The following MYO1E variants were observed in gnomAD, a reference collection of about 807,000 sequenced individuals.
The protein encoded by MYO1E is myosin IE.
In MYO1E, 68 loss-of-function variants were observed where a neutral mutation model predicts 151.1. The ratio of observed to expected loss-of-function variants is 0.45; its 90% CI spans 0.37 to 0.55. MYO1E has a LOEUF of 0.55. MYO1E is among the 20% of genes least tolerant of loss of function. MYO1E has a pLI of 0.00. For missense variants in MYO1E, 1,363 were observed against 1,389.3 expected (o/e 0.98, Z 0.30); for synonymous variants, 601 against 501.7 (o/e 1.20, Z -2.64).
At chr15:59,161,741 C>T (rs2079539304) in intron 23 of MYO1E, among the ~76,000 whole-genome samples, 3 of 152,316 alleles carry the variant, frequency 2.0e-5, no homozygotes, top group South Asian at 4.1e-4. Flanking sequence ...AAAAGACACA[C>T]ACTAGCAACC....
intron 1 of MYO1E, among the ~76,000 whole-genome samples, chr15:59,369,012 G>C (rs746248167): frequency 6.6e-6 from 1 of 152,142 alleles, no homozygotes; most frequent in Non-Finnish European, 1.5e-5. Context: ...TTTTGTGCTT[G>C]ATCCCATTCC....
chr15:59,274,812 T>C (rs982250672), intron 1 of MYO1E, among the ~76,000 whole-genome samples: 1 of 152,164 alleles, frequency 6.6e-6, no homozygotes, highest in Non-Finnish European at 1.5e-5. Context: ...TCATGGTAGT[T>C]ATTTCCTAGC....
chr15:59,322,701 T>C (rs762365559), intron 1 of MYO1E, among the ~76,000 whole-genome samples: 7 of 152,314 alleles, frequency 4.6e-5, no homozygotes, highest in Non-Finnish European at 7.4e-5. Context: ...CTGACACAGA[T>C]TGTATTGATT....
At chr15:59,267,983 A>G (rs1183286960) in intron 2 of MYO1E, among the ~76,000 whole-genome samples, 3 of 152,162 alleles carry the variant, frequency 2.0e-5, no homozygotes, top group Non-Finnish European at 4.4e-5. Flanking sequence ...TTAACAATCG[A>G]TCGCCCCAAA....
chr15:59,319,550 C>CTTTTTGTTTTTTTTTTTT (rs2080611659), intron 1 of MYO1E, among the ~76,000 whole-genome samples: 1 of 63,680 alleles, frequency 1.6e-5, no homozygotes, highest in African/African-American at 4.5e-5. Flanking sequence ...GTCAAACTAC[C>CTTTTTGTTTTTTTTTTTT]TTTTTTTTTT....
At chr15:59,314,798 A>G (rs562989010) in intron 1 of MYO1E, among the ~76,000 whole-genome samples, 15 of 152,218 alleles carry the variant, frequency 9.9e-5, no homozygotes, top group African/African-American at 3.6e-4. Flanking sequence ...TCTCTGGCCT[A>G]AAATGTCAGC....
At chr15:59,363,188 AG>A (rs1383235608) in intron 1 of MYO1E, among the ~76,000 whole-genome samples, 1 of 152,104 alleles carries the variant, frequency 6.6e-6, no homozygotes, top group Non-Finnish European at 1.5e-5. Flanking sequence ...CATGTTAGCC[AG>A]GATGGTCTCG....
chr15:59,188,259 C>G (rs1470015714), intron 17 of MYO1E, 43 bp from the exon 18 acceptor site: 1 of 1,510,372 alleles, frequency 6.6e-7, no homozygotes, highest in African/African-American at 1.4e-5. Context: ...ACTGGATAAT[C>G]CTTTCACTCG....
At position 59,136,468 on chromosome 15, in the gene MYO1E, C is replaced by T; in HGVS notation, c.*912G>A. ...AGTCTGCAGGGACTGACCTAGAAAG[C>T]AGTGACACTCCGTAGTTGGAAAAAA... On this transcript the variant is annotated 3_prime_UTR_variant, in exon 28 of 28. Transcript: ENST00000288235. 2.1e-5 allele frequency: 6 copies of T among 290,198 alleles called. No homozygotes were observed. Among genetic ancestry groups the T allele is most frequent in the South Asian group, 1.9e-4 (6 of 30,998 alleles). 18.0% of individuals were successfully genotyped at this position (290,198 alleles called of 1,614,324 possible). A position where few individuals can be genotyped will look rare whatever the true frequency, so the allele number is the denominator to read the frequency against.
At chr15:59,158,485 T>A in intron 24 of MYO1E, 106 bp from the exon 25 acceptor site, 2 of 826,528 alleles carry the variant, frequency 2.4e-6, no homozygotes, top group Non-Finnish European at 4.1e-6. Context: ...ATTCCAGCTC[T>A]CAGGTGGATC....
At chr15:59,190,033 C>A (rs187145137) in intron 17 of MYO1E, among the ~76,000 whole-genome samples, 1 of 152,136 alleles carries the variant, frequency 6.6e-6, no homozygotes, top group Non-Finnish European at 1.5e-5. Context: ...AGGTGGAGCA[C>A]GGACATGTGC....
intron 1 of MYO1E, among the ~76,000 whole-genome samples, chr15:59,327,781 C>T (rs1216830177): frequency 2.0e-5 from 3 of 151,974 alleles, no homozygotes; most frequent in East Asian, 1.9e-4. Flanking sequence ...CTGTCAGATT[C>T]GATGTATTTT....
chr15:59,138,011 G>C (rs1446583210), intron 27 of MYO1E, among the ~76,000 whole-genome samples, 187 bp downstream of exon 27: 1 of 152,118 alleles, frequency 6.6e-6, no homozygotes. Context: ...TATAAATAAG[G>C]GGGCAGAGCT....
chr15:59,323,479 C>T lies in MYO1E; in HGVS notation c.3+49019G>A, dbSNP rs139643971. Among the ~76,000 whole-genome samples, 1,294 of 151,478 alleles carry T rather than the reference C, an allele frequency of 8.5e-3. 15 individuals are homozygous for T. Among genetic ancestry groups the T allele is most frequent in the African/African-American group, 0.03 (1,240 of 41,272 alleles). On this transcript the variant is annotated intron_variant, in intron 1 of 27. Transcript: ENST00000288235. ...CATCCTGGTTAACATGGTGAAACCC[C>T]GTCTCTACTAAAAATACACACAAAA...
At chr15:59,322,622 T>C (rs2080634175) in intron 1 of MYO1E, among the ~76,000 whole-genome samples, 1 of 152,180 alleles carries the variant, frequency 6.6e-6, no homozygotes, top group African/African-American at 2.4e-5. Context: ...AAGGAAATTG[T>C]CCTGCTTACC....
intron 26 of MYO1E, among the ~76,000 whole-genome samples, chr15:59,145,567 T>G (rs2079436378): frequency 6.6e-6 from 1 of 152,162 alleles, no homozygotes; most frequent in Non-Finnish European, 1.5e-5. Context: ...TTCTTTTGTA[T>G]TTTTAGTAGA....
intron 2 of MYO1E, among the ~76,000 whole-genome samples, chr15:59,268,718 G>GTTTTTTTTTTTTT (rs1452818863): frequency 7.5e-4 from 9 of 12,054 alleles, no homozygotes; most frequent in East Asian, 2.0e-3. Context: ...GGTGACTTTG[G>GTTTTTTTTTTTTT]TATTTTTTTT....
chr15:59,321,061 A>G (rs1197320020), intron 1 of MYO1E, among the ~76,000 whole-genome samples: 1 of 152,244 alleles, frequency 6.6e-6, no homozygotes, highest in Non-Finnish European at 1.5e-5. Context: ...CAAGACGTAC[A>G]AACTGTTAAA....
In MYO1E at chr15:59,208,750, C is replaced by G. The variant is rs2079857392; in HGVS notation, c.1461G>C (p.Met487Ile). 2 of 1,614,196 alleles carry G rather than the reference C, an allele frequency of 1.2e-6. No individual in the cohort carries two copies. The highest frequency in any genetic ancestry group is 4.5e-5 in the East Asian group (2 of 44,892). Residue 487 changes from methionine to isoleucine, a missense_variant, in exon 14 of 28, where the codon ATG (methionine) becomes ATC (isoleucine). Met to Ile is a conservative substitution (Grantham distance 10). Coordinates refer to ENST00000288235, the MANE Select transcript of MYO1E (RefSeq NM_004998.4). ...TGAAGTGCTCATGACTCCCAATCTG[C>G]ATCTGAAGTTTCTGGAGCAGCGTCT... ...ADQTLLQKLQMQIGSHEHFNS... is the reference protein window; with the variant it reads ...ADQTLLQKLQIQIGSHEHFNS...
Sources: allele counts gnomAD v4.1 joint callset (sites outside exome capture counted in the v4.1 genomes callset), GRCh38; gene constraint gnomAD v4.1.1; transcripts MANE v1.5; gene names NCBI Gene and HGNC (gene_info 2026-07-23, HGNC 2026-07-21).